Variants in TMF1 observed in about 807,000 individuals in gnomAD.
TMF1 encodes TATA element modulatory factor.
Under a neutral mutation model 126.5 loss-of-function variants are expected in TMF1, and 71 were observed. The ratio of observed to expected loss-of-function variants is 0.56; its 90% CI spans 0.46 to 0.68. The LOEUF (loss-of-function observed/expected upper bound fraction) is 0.68, where lower values mean the gene tolerates loss of function less well. Among genes scored for constraint, TMF1 ranks in the 30% least tolerant of loss-of-function variants. The pLI, the probability that TMF1 is intolerant of heterozygous loss-of-function variation, is 0.00. For missense variants in TMF1, 1,259 were observed against 1,253.2 expected (o/e 1.00, Z -0.07); for synonymous variants, 461 against 430.5 (o/e 1.07, Z -0.88).
intron 2 of TMF1, among the ~76,000 whole-genome samples, chr3:69,045,005 C>T (rs1046485074): frequency 2.5e-4 from 38 of 152,096 alleles, no homozygotes; most frequent in Non-Finnish European, 3.8e-4. Context: ...TGCATACACA[C>T]CAAAAGAAGA....
Position 69,047,541 on chromosome 3 carries a change from A to G in TMF1, c.1164T>C (p.Thr388=). Residue 388 remains threonine, a synonymous_variant, in exon 2 of 17, where the codon ACT becomes ACC. Coordinates refer to ENST00000398559, the MANE Select transcript of TMF1 (RefSeq NM_007114.3). ...EEVNETLVIP[T]EEAEMEESGR... is the part of the protein sequence containing the mutation. The stretch of plus-strand genomic sequence containing the variant: ...CACTTTCTTCCATTTCTGCTTCCTC[A>G]GTGGGTATAACTAATGTTTCATTTA... 1 of 1,614,130 alleles carries G rather than the reference A, an allele frequency of 6.2e-7. No individual in the cohort carries two copies. Among genetic ancestry groups the G allele is most frequent in the Non-Finnish European group, 8.5e-7 (1 of 1,180,014 alleles).
At chr3:69,041,283 G>A (rs1235571592) in intron 5 of TMF1, among the ~76,000 whole-genome samples, 1 of 152,066 alleles carries the variant, frequency 6.6e-6, no homozygotes, top group Non-Finnish European at 1.5e-5. Context: ...TTAGAATTGT[G>A]TTTTATCATT....
chr3:69,039,727 T>A (rs993227978), intron 5 of TMF1, 34 bp from the exon 6 acceptor site: 39 of 1,582,390 alleles, frequency 2.5e-5, no homozygotes, highest in Non-Finnish European at 3.2e-5. Flanking sequence ...ACTCAAATGA[T>A]AACTATTCCC....
chr3:69,025,305 C>T (rs2091762150), intron 15 of TMF1: 1 of 365,228 alleles, frequency 2.7e-6, no homozygotes, highest in South Asian at 5.2e-5. Flanking sequence ...AGGCCTGCTC[C>T]AGCCCAGCAT....
At position 69,037,477 on chromosome 3, in the gene TMF1, T is replaced by TA. The variant is rs111259740; in HGVS notation, c.2151+1086dup. Reference sequence around the variant, plus strand: ...CAACATGGTGAAGCCTCGTCTCTACTAAAAAAAAACAAAAATTAGCCGGGC... The same window carrying TA: ...CAACATGGTGAAGCCTCGTCTCTACTAAAAAAAAAACAAAAATTAGCCGGGC... On this transcript the variant is annotated intron_variant, in intron 8 of 16. Transcript: ENST00000398559. Among the ~76,000 whole-genome samples, 696 of 149,392 alleles carry TA rather than the reference T, an allele frequency of 4.7e-3. 6 individuals carry two copies. The highest frequency in any genetic ancestry group is 0.015 in the African/African-American group (623 of 40,568).
At position 69,020,913 on chromosome 3, in the gene TMF1, T is replaced by C. The variant is rs1383068807; in HGVS notation, c.*2264A>G. The C allele has an allele frequency of 6.6e-6, 1 of 152,242 alleles. No homozygotes were observed. The highest frequency in any genetic ancestry group is 1.5e-5 in the Non-Finnish European group (1 of 68,028). 9.4% of individuals were successfully genotyped at this position (152,242 alleles called of 1,614,324 possible). A position where few individuals can be genotyped will look rare whatever the true frequency, so the allele number is the denominator to read the frequency against. On this transcript the variant is annotated 3_prime_UTR_variant, in exon 17 of 17. Transcript: ENST00000398559. ...TTTCTCTGCAAATGAAGTTTTTTTCTACTAGTGGATATTTTAAAGGGACTA... is the reference window on the plus strand; with the variant it reads ...TTTCTCTGCAAATGAAGTTTTTTTCCACTAGTGGATATTTTAAAGGGACTA...
Position 69,043,598 on chromosome 3 carries a change from C to T in TMF1, c.1578+152G>A, listed in dbSNP as rs1019448012. 1.1e-5 allele frequency: 8 copies of T among 706,084 alleles called. No homozygotes were observed. In the African/African-American group the frequency reaches 1.5e-4, roughly 13 times the overall value. The allele number at this position is 706,084 out of a possible 1,614,324, so 43.7% of individuals were successfully genotyped here. A position where few individuals can be genotyped will look rare whatever the true frequency, so the allele number is the denominator to read the frequency against. On this transcript the variant is annotated intron_variant, in intron 4 of 16. Coordinates refer to ENST00000398559, the MANE Select transcript of TMF1 (RefSeq NM_007114.3). ...CTGGGATTATAGACATGAGCCACCA[C>T]ACGTGGCCAAAAATCTACAATTTAA... is the stretch of plus-strand genomic sequence containing the variant.
At chr3:69,030,121 T>C in intron 10 of TMF1, 114 bp from the exon 11 acceptor site, 3 of 849,662 alleles carry the variant, frequency 3.5e-6, no homozygotes, top group Non-Finnish European at 5.3e-6. Context: ...TTAAAACTGA[T>C]AACTATTTAT....
At chr3:69,027,147 C>T (rs2091773026) in intron 13 of TMF1, among the ~76,000 whole-genome samples, 1 of 152,122 alleles carries the variant, frequency 6.6e-6, no homozygotes, top group South Asian at 2.1e-4. Context: ...AGGCACATGC[C>T]ACCATGCCCG....
rs577113943 is a variant in TMF1, at chr3:69,039,406, A to G, written c.1827+145T>C. On this transcript the variant is annotated intron_variant, in intron 6 of 16. Transcript: ENST00000398559. The stretch of plus-strand genomic sequence containing the variant: ...CGTGAGCCACCCCACTCGGCTAAAA[A>G]ATCTTATCATTTATCTATTGTTTGA... The G allele has an allele frequency of 3.0e-5, 29 of 973,414 alleles. No homozygotes were observed. In the African/African-American group the frequency reaches 4.4e-4, roughly 15 times the overall value. The allele number at this position is 973,414 out of a possible 1,614,324, so 60.3% of individuals were successfully genotyped here.
Position 69,027,014 on chromosome 3 carries a change from G to T in TMF1, c.2757+886C>A, listed in dbSNP as rs190012116. Among the ~76,000 whole-genome samples, 548 of 150,990 alleles carry T rather than the reference G, an allele frequency of 3.6e-3. 4 individuals carry two copies. The highest frequency in any genetic ancestry group is 0.013 in the African/African-American group (528 of 41,142). ...TTTATTTATTTATTTTTATTTTTTT[G>T]AGAAAGAGTCTCGATCTGTTGCCCA... On this transcript the variant is annotated intron_variant, in intron 13 of 16. Transcript: ENST00000398559.
rs370152473 is a variant in TMF1, at chr3:69,043,812, T to C, written c.1516A>G (p.Arg506Gly). 73 of 1,612,416 alleles carry C rather than the reference T, an allele frequency of 4.5e-5. No homozygotes were observed. The highest frequency in any genetic ancestry group is 3.2e-4 in the Admixed American group (19 of 59,930). The change falls in exon 4 of 17, where the codon AGA (arginine) becomes GGA (glycine). Residue 506 changes from arginine (R) to glycine (G), a missense_variant. Transcript: ENST00000398559. ...ISSLKDEFTQ[R>G]IAEAEKKVQL... is the part of the protein sequence containing the mutation. ...ACTTTCTTTTCTGCTTCTGCAATTC[T>C]TTGAGTAAACTCATCTTTCAAGGAA...
chr3:69,049,379 C>G (rs2091913709), intron 1 of TMF1, among the ~76,000 whole-genome samples: 1 of 152,100 alleles, frequency 6.6e-6, no homozygotes, highest in Non-Finnish European at 1.5e-5. Context: ...GTCTCGAAAA[C>G]AAACAAAACA....
chr3:69,039,599 C>T lies in TMF1; in HGVS notation c.1779G>A (p.Leu593=), dbSNP rs530196560. The stretch of plus-strand genomic sequence containing the variant: ...CTTCTAGCTCTTTAACTTTTTTGTT[C>T]AGCTTTGCAACCATATTTTCATTCT... ...DKENENMVAK[L]NKKVKELEEE... Residue 593 remains leucine, a synonymous_variant, in exon 6 of 17, where the codon CTG becomes CTA. Coordinates refer to ENST00000398559, the MANE Select transcript of TMF1 (RefSeq NM_007114.3). 290 of 1,613,276 alleles carry T rather than the reference C, an allele frequency of 1.8e-4. 2 individuals carry two copies. The South Asian group carries it at 3.0e-3, about 17-fold the overall frequency.
At chr3:69,042,938 C>T (rs1322490512) in intron 4 of TMF1, 26 bp from the exon 5 acceptor site, 2 of 1,495,486 alleles carry the variant, frequency 1.3e-6, no homozygotes, top group Non-Finnish European at 1.9e-6. Flanking sequence ...TCTGTGAATA[C>T]CGTAAAGAAT....
rs1559634061 is a variant in TMF1 at position 69,042,888 on chromosome 3, GTTC to G, written c.1600_1602del (p.Glu534del). On this transcript the variant is annotated inframe_deletion, in exon 5 of 17. Coordinates refer to ENST00000398559, the MANE Select transcript of TMF1 (RefSeq NM_007114.3). The stretch of plus-strand genomic sequence containing the variant: ...TCACTACTATTTAATCTAGTGGCAA[GTTC>G]TTCTTTTATGTTTTTGATTTCCTAA... The G allele has an allele frequency of 2.5e-6, 4 of 1,612,434 alleles. No homozygotes were observed. Among genetic ancestry groups the G allele is most frequent in the South Asian group, 2.2e-5 (2 of 90,940 alleles).
chr3:69,042,981 C>A, intron 4 of TMF1, 69 bp from the exon 5 acceptor site: 1 of 1,120,102 alleles, frequency 8.9e-7, no homozygotes, highest in Non-Finnish European at 1.3e-6. Flanking sequence ...CTCATTTCTC[C>A]CCCATCCAAA....
chr3:69,025,750 A>G (rs374638924), intron 14 of TMF1, 38 bp from the exon 15 acceptor site: 1 of 1,582,604 alleles, frequency 6.3e-7, no homozygotes, highest in Non-Finnish European at 8.6e-7. Flanking sequence ...TTACTCAGTT[A>G]TCATAGCTTG....
chr3:69,032,156 G>A (rs1204030704), intron 10 of TMF1, among the ~76,000 whole-genome samples: 1 of 152,076 alleles, frequency 6.6e-6, no homozygotes, highest in African/African-American at 2.4e-5. Context: ...AAAGCAGCTA[G>A]AGAAGCCCAG....
Sources: gnomAD v4.1 joint callset for allele counts (sites outside exome capture counted in the v4.1 genomes callset) on GRCh38, gnomAD v4.1.1 for gene constraint, MANE v1.5 for transcripts, NCBI Gene and HGNC (gene_info 2026-07-23, HGNC 2026-07-21) for gene names.